The following RAD52 variants were observed in gnomAD, a reference collection of about 807,000 sequenced individuals.
The protein encoded by RAD52 is DNA repair protein RAD52 homolog.
Under a neutral mutation model 55.5 loss-of-function variants are expected in RAD52, and 47 were observed. The observed-to-expected ratio is 0.85, with a 90% CI of 0.67 to 1.08. The LOEUF (loss-of-function observed/expected upper bound fraction) is 1.08, where lower values mean the gene tolerates loss of function less well. Among genes scored for constraint, RAD52 ranks in the 50% least tolerant of loss-of-function variants. RAD52 has a pLI of 0.00. For missense variants in RAD52, 468 were observed against 522.8 expected (o/e 0.90, Z 1.02); for synonymous variants, 184 against 198.9 (o/e 0.92, Z 0.63).
chr12:916,344 C>T lies in RAD52; in HGVS notation c.865G>A (p.Ala289Thr). ...VSTPSAEKSE[A>T]APPAPPVTHS... ...GGCCCTGCTCCCACCCCTCGCTCAC[C>T]CTCACTCTTCTCAGCTGACGGCGTG... The change falls in exon 9 of 12, where the codon GCA becomes ACA. Residue 289 changes from alanine (A) to threonine (T), a missense_variant and splice_region_variant. By Grantham distance (58) the Ala-to-Thr change is moderately conservative. Coordinates refer to ENST00000358495, the MANE Select transcript of RAD52 (RefSeq NM_134424.4). 1 of 1,605,416 alleles carries T rather than the reference C, an allele frequency of 6.2e-7. No individual in the cohort carries two copies. Among genetic ancestry groups the T allele is most frequent in the Non-Finnish European group, 8.5e-7 (1 of 1,179,914 alleles).
At chr12:930,779 C>G (rs897673579) in intron 3 of RAD52, among the ~76,000 whole-genome samples, 1 of 151,830 alleles carries the variant, frequency 6.6e-6, no homozygotes, top group African/African-American at 2.4e-5. Flanking sequence ...TCAGCCTGGG[C>G]AACATGGCGA....
chr12:946,256 G>GTC (rs1477253428), intron 1 of RAD52, among the ~76,000 whole-genome samples: 1 of 152,186 alleles, frequency 6.6e-6, no homozygotes, highest in African/African-American at 2.4e-5. Flanking sequence ...AGTGCCTTGA[G>GTC]TGAAGAAATG....
chr12:974,529 C>T (rs1314656879), intron 1 of RAD52: 2 of 152,196 alleles, frequency 1.3e-5, no homozygotes, highest in Non-Finnish European at 2.9e-5. Flanking sequence ...ACCCCTGGAG[C>T]TGTAGAAAGG....
At chr12:923,456 A>G (rs1036714586) in intron 7 of RAD52, among the ~76,000 whole-genome samples, 1 of 152,114 alleles carries the variant, frequency 6.6e-6, no homozygotes, top group African/African-American at 2.4e-5. Flanking sequence ...AGGCTGAGGC[A>G]GGAGGATCCA....
At chr12:986,538 A>AT (rs1384031029) in intron 1 of RAD52, among the ~76,000 whole-genome samples, 4 of 150,614 alleles carry the variant, frequency 2.7e-5, no homozygotes, top group African/African-American at 9.8e-5. Flanking sequence ...AATTTTTAAA[A>AT]TTTTTTTGTA....
intron 1 of RAD52, among the ~76,000 whole-genome samples, chr12:970,730 A>G (rs984507227): frequency 5.3e-5 from 8 of 152,182 alleles, no homozygotes; most frequent in Non-Finnish European, 4.4e-5. Context: ...ATTTGGGAGT[A>G]AGTAGGCGGT....
intron 1 of RAD52, among the ~76,000 whole-genome samples, chr12:968,590 C>T (rs1246693185): frequency 6.6e-6 from 1 of 152,080 alleles, no homozygotes; most frequent in Non-Finnish European, 1.5e-5. Flanking sequence ...TGACTTCATT[C>T]CTGCCTGAGT....
rs529021936 is a variant in RAD52, at chr12:911,789, G to A, written c.*1602C>T. Among the ~76,000 whole-genome samples the A allele has an allele frequency of 2.0e-5, 3 of 152,300 alleles. No individual in the cohort carries two copies. Among genetic ancestry groups the A allele is most frequent in the East Asian group, 1.9e-4 (1 of 5,182 alleles). ...CTAGTACTTTTTACTTTGGGAGGCC[G>A]AGGTGGGCAGATCACTTGAGGTCAG... On this transcript the variant is annotated 3_prime_UTR_variant, in exon 12 of 12. Coordinates refer to ENST00000358495, the MANE Select transcript of RAD52 (RefSeq NM_134424.4).
Position 959,119 on chromosome 12 carries a change from AC to A in RAD52, c.-18-26044del, listed in dbSNP as rs1399091369. 2.0e-5 allele frequency among the ~76,000 whole-genome samples: 3 copies of A among 152,268 alleles called. No individual in the cohort carries two copies. In the East Asian group the frequency reaches 5.8e-4, roughly 29 times the overall value. ...AGAATAATGCTAAGATTAACTGTTT[AC>A]TCAACCGAGTGCTGAGGGCTTCCTA... On this transcript the variant is annotated intron_variant, in intron 1 of 11. Coordinates refer to the RAD52 transcript ENST00000430095.
intron 6 of RAD52, chr12:926,681 G>T: frequency 1.7e-6 from 2 of 1,143,340 alleles, no homozygotes; most frequent in Non-Finnish European, 2.4e-6. Context: ...AGAATCATAA[G>T]CCAATCAAAC....
Position 930,142 on chromosome 12 carries a change from C to G in RAD52, c.189G>C (p.Val63=), listed in dbSNP as rs1190313747. The change falls in exon 4 of 12, where the codon GTG becomes GTC. Residue 63 remains valine, a splice_region_variant and synonymous_variant. Transcript: ENST00000358495. ...SSRMAGGGQK[V]CYIEGHRVIN... is the part of the protein sequence containing the mutation. ...TTACCCGATGACCCTCAATGTAGCA[C>G]ACCTAGAAAAACAAATGTTTTTAAG... is the stretch of plus-strand genomic sequence containing the variant. 1.2e-6 allele frequency: 2 copies of G among 1,607,194 alleles called. No homozygotes were observed. The highest frequency in any genetic ancestry group is 2.7e-5 in the African/African-American group (2 of 74,728).
chr12:985,848 C>A (rs114007490), intron 1 of RAD52, among the ~76,000 whole-genome samples: 1 of 151,676 alleles, frequency 6.6e-6, no homozygotes, highest in Non-Finnish European at 1.5e-5. Context: ...CACCATCTTG[C>A]GCAGGCTGGT....
rs201541902 is a variant in RAD52, at chr12:916,464, C to G, written c.745G>C (p.Val249Leu). 6.2e-7 allele frequency: 1 copy of G among 1,607,480 alleles called. No individual in the cohort carries two copies. The highest frequency in any genetic ancestry group is 8.5e-7 in the Non-Finnish European group (1 of 1,179,460). ...CGCTGGTGCGTGGCCTCGCTCTCCA[C>G]GGCGGATGAGCTCAGGCTTCTGCAT... The part of the protein sequence containing the change: ...CSSRSLSSSA[V>L]ESEATHQRKL... The change falls in exon 9 of 12, where the codon GTG becomes CTG. Residue 249 changes from valine to leucine, a missense_variant. Physicochemically the swap from Val to Leu is conservative, Grantham distance 32. Coordinates refer to ENST00000358495, the MANE Select transcript of RAD52 (RefSeq NM_134424.4).
intron 1 of RAD52, among the ~76,000 whole-genome samples, chr12:963,291 G>A (rs997704722): frequency 6.6e-6 from 1 of 152,038 alleles, no homozygotes; most frequent in African/African-American, 2.4e-5. Flanking sequence ...TCATTCATTC[G>A]TTCATTCATC....
intron 1 of RAD52, among the ~76,000 whole-genome samples, chr12:945,156 G>C (rs1299987106): frequency 6.6e-6 from 1 of 152,008 alleles, no homozygotes; most frequent in Non-Finnish European, 1.5e-5. Flanking sequence ...TTCAAGACCA[G>C]CCCGGCTAAC....
intron 1 of RAD52, among the ~76,000 whole-genome samples, chr12:960,967 G>A (rs746518589): frequency 1.7e-4 from 26 of 151,986 alleles, no homozygotes; most frequent in Non-Finnish European, 1.8e-4. Context: ...CCCCAACACT[G>A]AGTCCTGAGC....
chr12:920,060 A>G (rs1956631397), intron 7 of RAD52, among the ~76,000 whole-genome samples: 1 of 115,136 alleles, frequency 8.7e-6, no homozygotes, highest in Admixed American at 8.5e-5. Context: ...TCTCAAAAAA[A>G]AAAAAAATTA....
intron 1 of RAD52, among the ~76,000 whole-genome samples, chr12:947,903 C>A (rs200159929): frequency 1.1e-3 from 124 of 108,988 alleles, no homozygotes; most frequent in East Asian, 7.1e-3. Flanking sequence ...AAAAAAAAAA[C>A]AAAAAAAAAA....
At chr12:941,361 C>T (rs1957910157) in intron 1 of RAD52, among the ~76,000 whole-genome samples, 2 of 152,130 alleles carry the variant, frequency 1.3e-5, no homozygotes, top group African/African-American at 4.8e-5. Flanking sequence ...TCTTGTTGCC[C>T]AGGCTGGAGT....
Sources: gnomAD v4.1 joint callset for allele counts (sites outside exome capture counted in the v4.1 genomes callset) on GRCh38, gnomAD v4.1.1 for gene constraint, MANE v1.5 for transcripts, NCBI Gene and HGNC (gene_info 2026-07-23, HGNC 2026-07-21) for gene names.